The following NAPEPLD variants were observed in gnomAD, a reference collection of about 807,000 sequenced individuals.
NAPEPLD encodes N-acyl phosphatidylethanolamine phospholipase D.
A neutral mutation model predicts 38.1 loss-of-function variants in NAPEPLD; 23 were observed. That is an observed-to-expected ratio of 0.60 (90% CI 0.43 to 0.86). The LOEUF is 0.86. Ranked by LOEUF, NAPEPLD falls within the 40% of genes least tolerant of loss-of-function variation. The pLI, the probability that NAPEPLD is intolerant of heterozygous loss-of-function variation, is 0.00. For synonymous variants in NAPEPLD, 147 were observed against 162.0 expected (o/e 0.91, Z 0.71); for missense variants, 411 against 476.8 (o/e 0.86, Z 1.28).
At chr7:103,149,538 C>T, upstream of NAPEPLD, 8 of 1,242,806 alleles carry the variant, frequency 6.4e-6, no homozygotes, top group Non-Finnish European at 8.3e-6. Flanking sequence ...AATCTGACAG[C>T]AGGGCCAGCG....
chr7:103,105,470 T>C (rs372975138), intron 4 of NAPEPLD, among the ~76,000 whole-genome samples: 19 of 152,244 alleles, frequency 1.2e-4, no homozygotes, highest in African/African-American at 4.6e-4. Flanking sequence ...TCAAAACTAG[T>C]AATTTAAGTT....
At chr7:103,111,144 T>C (rs1306937590) in intron 4 of NAPEPLD, among the ~76,000 whole-genome samples, 2 of 152,150 alleles carry the variant, frequency 1.3e-5, no homozygotes, top group African/African-American at 4.8e-5. Context: ...TCCATGCTCA[T>C]GGATAGGAAG....
upstream of NAPEPLD, chr7:103,149,460 T>C: frequency 7.9e-7 from 1 of 1,264,996 alleles, no homozygotes; most frequent in East Asian, 7.2e-5. Context: ...AGGCAGCGCT[T>C]CAGCTCTCGC....
chr7:103,135,912 T>C (rs1809950154), intron 1 of NAPEPLD, among the ~76,000 whole-genome samples: 1 of 152,100 alleles, frequency 6.6e-6, no homozygotes, highest in Non-Finnish European at 1.5e-5. Context: ...TCAATAAAGA[T>C]TGTAACTCCT....
intron 2 of NAPEPLD, among the ~76,000 whole-genome samples, chr7:103,126,003 G>C (rs1295738600): frequency 1.3e-5 from 2 of 151,966 alleles, no homozygotes; most frequent in African/African-American, 4.8e-5. Flanking sequence ...AAAATTGAAA[G>C]ACATTGTTTA....
chr7:103,126,599 AT>A (rs57753879), intron 2 of NAPEPLD, among the ~76,000 whole-genome samples: 20 of 151,076 alleles, frequency 1.3e-4, no homozygotes, highest in Non-Finnish European at 2.1e-4. Context: ...TCAGAATGCA[AT>A]TTTTTTTGTT....
At chr7:103,134,010 T>C (rs888642904) in intron 1 of NAPEPLD, among the ~76,000 whole-genome samples, 5 of 152,246 alleles carry the variant, frequency 3.3e-5, no homozygotes, top group African/African-American at 9.6e-5. Context: ...TGATGTGTCA[T>C]GTGCCACTAA....
chr7:103,142,193 C>T (rs1811546857), intron 1 of NAPEPLD, among the ~76,000 whole-genome samples: 1 of 152,210 alleles, frequency 6.6e-6, no homozygotes, highest in African/African-American at 2.4e-5. Context: ...GCTAGCCTGG[C>T]AGCTGCCTAC....
intron 4 of NAPEPLD, 113 bp downstream of exon 4, chr7:103,114,947 G>T: frequency 2.8e-6 from 2 of 709,528 alleles, no homozygotes; most frequent in South Asian, 1.8e-5. Context: ...TGACTGTGAT[G>T]ACTGTGCAGT....
intron 4 of NAPEPLD, among the ~76,000 whole-genome samples, chr7:103,110,520 G>A (rs564135862): frequency 1.2e-4 from 19 of 152,218 alleles, no homozygotes; most frequent in East Asian, 7.7e-4. Flanking sequence ...AAAGGCCTTC[G>A]ACAAAATTCA....
intron 1 of NAPEPLD, among the ~76,000 whole-genome samples, chr7:103,133,835 C>T (rs1372013576): frequency 6.6e-6 from 1 of 152,154 alleles, no homozygotes; most frequent in Admixed American, 6.5e-5. Context: ...TACATGAATA[C>T]ACAAAAACTG....
chr7:103,149,077 A>AG lies in NAPEPLD; in HGVS notation c.-284_-283insC. 1 of 985,360 alleles carries AG rather than the reference A, an allele frequency of 1.0e-6. No homozygotes were observed. Among genetic ancestry groups the AG allele is most frequent in the Non-Finnish European group, 1.2e-6 (1 of 829,968 alleles). The allele number at this position is 985,360 out of a possible 1,614,324, so 61.0% of individuals were successfully genotyped here. Reference sequence around the variant, plus strand: ...CGCTCCACTTCGCCGAAGAATTCCAAACCACCCCAGGCTCAGCAGTGTGGA... The same window carrying AG: ...CGCTCCACTTCGCCGAAGAATTCCAAGACCACCCCAGGCTCAGCAGTGTGGA... On this transcript the variant is annotated 5_prime_UTR_variant, in exon 1 of 5. Transcript: ENST00000465647.
At chr7:103,127,771 A>C (rs1363047990) in intron 2 of NAPEPLD, 1 of 152,210 alleles carries the variant, frequency 6.6e-6, no homozygotes, top group African/African-American at 2.4e-5. Context: ...ATATAAGGAA[A>C]GGAGACACAG....
chr7:103,128,810 G>T lies in NAPEPLD; in HGVS notation c.-16-18C>A. On this transcript the variant is annotated intron_variant, in intron 1 of 4. Transcript: ENST00000465647. Reference sequence around the variant, plus strand: ...GTGAAGAACTAAAAAAAACAAGGGGGAAAAATACTGAGTTGAACATAAAGG... The same window carrying T: ...GTGAAGAACTAAAAAAAACAAGGGGTAAAAATACTGAGTTGAACATAAAGG... 5 of 1,588,198 alleles carry T rather than the reference G, an allele frequency of 3.1e-6. No homozygotes were observed. The highest frequency in any genetic ancestry group is 4.3e-6 in the Non-Finnish European group (5 of 1,170,948).
At chr7:103,141,928 G>C in intron 1 of NAPEPLD, 1 of 976,700 alleles carries the variant, frequency 1.0e-6, no homozygotes, top group Non-Finnish European at 1.7e-6. Context: ...TCTGAAGCCT[G>C]AGCATACTCA....
At chr7:103,111,359 A>G (rs931287290) in intron 4 of NAPEPLD, among the ~76,000 whole-genome samples, 1 of 152,234 alleles carries the variant, frequency 6.6e-6, no homozygotes, top group African/African-American at 2.4e-5. Flanking sequence ...ACTTCAAGCT[A>G]TACTACAAGG....
At chr7:103,134,264 T>C (rs767315311) in intron 1 of NAPEPLD, among the ~76,000 whole-genome samples, 2 of 152,228 alleles carry the variant, frequency 1.3e-5, no homozygotes, top group African/African-American at 4.8e-5. Flanking sequence ...GTTATAAACA[T>C]ACCAAATGCT....
At chr7:103,117,370 A>AT (rs929363428) in intron 3 of NAPEPLD, among the ~76,000 whole-genome samples, 3 of 152,030 alleles carry the variant, frequency 2.0e-5, no homozygotes, top group Non-Finnish European at 4.4e-5. Context: ...TTCTCTCTTG[A>AT]TTTTTTTTAA....
Position 103,103,273 on chromosome 7 carries a change from A to G in NAPEPLD, c.*156T>C. ...ATAGTGTACATGAGCTGATCATACTAGGAAGCAAGTTATTACACAAAACAT... is the reference window on the plus strand; with the variant it reads ...ATAGTGTACATGAGCTGATCATACTGGGAAGCAAGTTATTACACAAAACAT... On this transcript the variant is annotated 3_prime_UTR_variant, in exon 5 of 5. Transcript: ENST00000465647. 1 of 867,150 alleles carries G rather than the reference A, an allele frequency of 1.2e-6. No homozygotes were observed. Among genetic ancestry groups the G allele is most frequent in the Non-Finnish European group, 1.7e-6 (1 of 582,070 alleles). The allele number at this position is 867,150 out of a possible 1,614,324, so 53.7% of individuals were successfully genotyped here. A position where few individuals can be genotyped will look rare whatever the true frequency, so the allele number is the denominator to read the frequency against.
Sources: gnomAD v4.1 joint callset for allele counts (sites outside exome capture counted in the v4.1 genomes callset) on GRCh38, gnomAD v4.1.1 for gene constraint, MANE v1.5 for transcripts, NCBI Gene and HGNC (gene_info 2026-07-23, HGNC 2026-07-21) for gene names.